Variants in ATRNL1 observed in about 807,000 individuals in gnomAD.
The protein encoded by ATRNL1 is attractin like 1.
A neutral mutation model predicts 182.7 loss-of-function variants in ATRNL1; 95 were observed. That is an observed-to-expected ratio of 0.52 (90% CI 0.44 to 0.62). ATRNL1 has a LOEUF of 0.62. Among genes scored for constraint, ATRNL1 ranks in the 20% least tolerant of loss-of-function variants. The probability of loss-of-function intolerance (pLI) is 0.00; values close to 1 mark genes in which losing one functional copy is unlikely to be tolerated. For missense variants in ATRNL1, 1,471 were observed against 1,679.5 expected (o/e 0.88, Z 2.17); for synonymous variants, 576 against 568.3 (o/e 1.01, Z -0.19).
At chr10:115,324,316 G>C (rs1854756518) in intron 18 of ATRNL1, among the ~76,000 whole-genome samples, 1 of 152,086 alleles carries the variant, frequency 6.6e-6, no homozygotes, top group Non-Finnish European at 1.5e-5. Flanking sequence ...TATTATGTTT[G>C]TTTGCTTTTG....
chr10:115,804,070 C>T (rs138690203), intron 27 of ATRNL1, among the ~76,000 whole-genome samples: 52 of 152,170 alleles, frequency 3.4e-4, no homozygotes, highest in African/African-American at 1.2e-3. Context: ...TTTACAGTAA[C>T]TGTTATCATT....
chr10:115,864,848 G>A (rs1425687641), intron 28 of ATRNL1, among the ~76,000 whole-genome samples: 1 of 152,122 alleles, frequency 6.6e-6, no homozygotes, highest in African/African-American at 2.4e-5. Flanking sequence ...CAGGCGTGGT[G>A]GCAGGTGCCT....
At chr10:115,789,009 G>A (rs567697127) in intron 27 of ATRNL1, among the ~76,000 whole-genome samples, 53 of 152,300 alleles carry the variant, frequency 3.5e-4, no homozygotes, top group African/African-American at 1.2e-3. Flanking sequence ...TATCACACAC[G>A]TTATAAAATA....
At position 115,146,576 on chromosome 10, in the gene ATRNL1, A is replaced by T. The variant is rs187058342; in HGVS notation, c.830-13464A>T. On this transcript the variant is annotated intron_variant, in intron 5 of 28. Coordinates refer to ENST00000355044, the MANE Select transcript of ATRNL1 (RefSeq NM_207303.4). ...TGAATATTATAATTTGTATCTTCTA[A>T]CTATATGTTTGTATCCATTAGCCAA... Among the ~76,000 whole-genome samples, 508 of 152,150 alleles carry T rather than the reference A, an allele frequency of 3.3e-3. 1 individual carries two copies. The highest frequency in any genetic ancestry group is 0.017 in the Middle Eastern group (5 of 294).
intron 10 of ATRNL1, among the ~76,000 whole-genome samples, chr10:115,248,406 TAAAA>T (rs1302751126): frequency 6.6e-6 from 1 of 152,092 alleles, no homozygotes; most frequent in African/African-American, 2.4e-5. Context: ...AATTTTAAAA[TAAAA>T]TATTAACACA....
At position 115,462,027 on chromosome 10, in the gene ATRNL1, C is replaced by A; in HGVS notation, c.3409C>A (p.Pro1137Thr). Residue 1137 changes from proline (P) to threonine (T), a missense_variant, in exon 22 of 29, where the codon CCA becomes ACA. Coordinates refer to ENST00000355044, the MANE Select transcript of ATRNL1 (RefSeq NM_207303.4). ...HHTAINFIAN[P>T]EQSNKNLDIS... ...TACTGCCATAAACTTTATAGCAAAC[C>A]CAGAACAGGTGAGGAAAAATTGTTA... 1.2e-6 allele frequency: 2 copies of A among 1,602,244 alleles called. No individual in the cohort carries two copies. Among genetic ancestry groups the A allele is most frequent in the South Asian group, 1.1e-5 (1 of 89,550 alleles).
chr10:115,703,838 A>T (rs1593094808), intron 26 of ATRNL1, among the ~76,000 whole-genome samples: 1 of 151,834 alleles, frequency 6.6e-6, no homozygotes, highest in East Asian at 1.9e-4. Flanking sequence ...AGCTTTCTGA[A>T]GGATAAATCC....
chr10:115,260,646 G>T (rs746620687), intron 10 of ATRNL1, among the ~76,000 whole-genome samples: 16 of 152,168 alleles, frequency 1.1e-4, no homozygotes, highest in Non-Finnish European at 2.2e-4. Context: ...ATAATCCACA[G>T]AGGAGATTAT....
chr10:115,820,762 A>C (rs781833578), intron 27 of ATRNL1, among the ~76,000 whole-genome samples: 11 of 152,090 alleles, frequency 7.2e-5, no homozygotes, highest in Non-Finnish European at 1.5e-4. Context: ...TCAAAGACTA[A>C]CTTTGTCACT....
intron 26 of ATRNL1, among the ~76,000 whole-genome samples, chr10:115,642,626 G>A (rs782102606): frequency 1.3e-5 from 2 of 152,074 alleles, no homozygotes; most frequent in Non-Finnish European, 2.9e-5. Context: ...TGTATTTTTA[G>A]TAGAGACAGG....
At chr10:115,390,375 T>G (rs606204) in intron 19 of ATRNL1, among the ~76,000 whole-genome samples, 59,117 of 151,972 alleles carry the variant, frequency 0.39, 12,643 homozygotes, top group African/African-American at 0.57. Context: ...TTGAATAAGG[T>G]TCTAATCTCA....
chr10:115,940,078 C>A (rs1316024991), intron 28 of ATRNL1, among the ~76,000 whole-genome samples: 1 of 152,156 alleles, frequency 6.6e-6, no homozygotes, highest in Non-Finnish European at 1.5e-5. Context: ...AGGGAGTCAG[C>A]CACTTTCACT....
chr10:115,259,101 G>C (rs1851286376), intron 10 of ATRNL1, among the ~76,000 whole-genome samples: 2 of 152,198 alleles, frequency 1.3e-5, no homozygotes, highest in South Asian at 4.1e-4. Context: ...GAGGCAGTCT[G>C]TTTGTTCTCA....
At chr10:115,839,062 T>G (rs928880835) in intron 27 of ATRNL1, among the ~76,000 whole-genome samples, 14 of 152,178 alleles carry the variant, frequency 9.2e-5, no homozygotes, top group South Asian at 6.2e-4. Context: ...CATTAAGCAT[T>G]AAGAATATTG....
chr10:115,307,588 G>A (rs1008738319), intron 17 of ATRNL1, among the ~76,000 whole-genome samples: 10 of 152,150 alleles, frequency 6.6e-5, no homozygotes, highest in African/African-American at 2.4e-4. Context: ...TATACACCCT[G>A]TGTGTCGTTG....
chr10:115,111,130 G>T (rs1214084510), intron 1 of ATRNL1, among the ~76,000 whole-genome samples: 1 of 152,206 alleles, frequency 6.6e-6, no homozygotes, highest in African/African-American at 2.4e-5. Flanking sequence ...AAAAGGGGAA[G>T]AGATTGATCT....
chr10:115,326,583 C>A (rs1854894798), intron 18 of ATRNL1, among the ~76,000 whole-genome samples: 1 of 151,930 alleles, frequency 6.6e-6, no homozygotes, highest in African/African-American at 2.4e-5. Context: ...GAAAAAACTA[C>A]TTTAAAGTTC....
intron 26 of ATRNL1, among the ~76,000 whole-genome samples, chr10:115,613,722 T>G (rs1857283570): frequency 6.6e-6 from 1 of 152,124 alleles, no homozygotes; most frequent in Non-Finnish European, 1.5e-5. Context: ...ATGTTTGGGT[T>G]TTCTATTTTT....
chr10:115,213,651 A>G, intron 8 of ATRNL1, among the ~76,000 whole-genome samples: 1 of 150,564 alleles, frequency 6.6e-6, no homozygotes, highest in East Asian at 1.9e-4. Flanking sequence ...ATCAGTCTAC[A>G]CTATCTTGTT....
Sources: allele counts gnomAD v4.1 joint callset (sites outside exome capture counted in the v4.1 genomes callset), GRCh38; gene constraint gnomAD v4.1.1; transcripts MANE v1.5; gene names NCBI Gene and HGNC (gene_info 2026-07-23, HGNC 2026-07-21).